The following SLC35F1 variants were observed in gnomAD, a reference collection of about 807,000 sequenced individuals.
The protein encoded by SLC35F1 is chromosome 6 open reading frame 169.
SLC35F1 carries 14 observed loss-of-function variants against 48.7 expected under a neutral mutation model. The ratio of observed to expected loss-of-function variants is 0.29; its 90% CI spans 0.19 to 0.45. The LOEUF (loss-of-function observed/expected upper bound fraction) is 0.45, where lower values mean the gene tolerates loss of function less well. Among genes scored for constraint, SLC35F1 ranks in the 20% least tolerant of loss-of-function variants. The pLI is 1.00. For missense variants in SLC35F1, 404 were observed against 500.0 expected (o/e 0.81, Z 1.83); for synonymous variants, 190 against 202.2 (o/e 0.94, Z 0.51).
intron 1 of SLC35F1, among the ~76,000 whole-genome samples, chr6:117,961,685 C>T (rs1416412): frequency 0.39 from 59,332 of 152,002 alleles, 11,832 homozygotes; most frequent in South Asian, 0.52. Flanking sequence ...TTAGTCCGTT[C>T]TGAAGTCTCA....
At chr6:118,008,335 A>G (rs1777202254) in intron 1 of SLC35F1, among the ~76,000 whole-genome samples, 1 of 152,096 alleles carries the variant, frequency 6.6e-6, no homozygotes, top group Non-Finnish European at 1.5e-5. Context: ...CCTGCCTGCA[A>G]GGGAAGAAGA....
chr6:118,038,564 T>C (rs1436671645), intron 1 of SLC35F1, among the ~76,000 whole-genome samples: 1 of 151,916 alleles, frequency 6.6e-6, no homozygotes, highest in African/African-American at 2.4e-5. Context: ...TTTAATCTGC[T>C]TTGTAGTTTT....
At chr6:117,954,708 G>A (rs1264511018) in intron 1 of SLC35F1, among the ~76,000 whole-genome samples, 1 of 152,178 alleles carries the variant, frequency 6.6e-6, no homozygotes, top group African/African-American at 2.4e-5. Context: ...ATTTGAATAT[G>A]CAGGAATCTG....
At chr6:118,056,168 C>A (rs1582641727) in intron 1 of SLC35F1, among the ~76,000 whole-genome samples, 1 of 152,238 alleles carries the variant, frequency 6.6e-6, no homozygotes, top group East Asian at 1.9e-4. Context: ...TTTCTTAAAT[C>A]TCTTATCTCT....
chr6:118,172,020 A>G (rs183262156), intron 2 of SLC35F1, among the ~76,000 whole-genome samples: 1 of 152,298 alleles, frequency 6.6e-6, no homozygotes, highest in East Asian at 1.9e-4. Flanking sequence ...AGGGCTATTA[A>G]TACTACCCAA....
At chr6:118,184,043 C>T (rs1386103442) in intron 2 of SLC35F1, among the ~76,000 whole-genome samples, 1 of 152,172 alleles carries the variant, frequency 6.6e-6, no homozygotes, top group Non-Finnish European at 1.5e-5. Context: ...TCGGCCACAG[C>T]TTGCCCTGGG....
intron 1 of SLC35F1, among the ~76,000 whole-genome samples, chr6:118,068,710 A>G (rs1325287284): frequency 1.3e-5 from 2 of 152,174 alleles, no homozygotes; most frequent in East Asian, 3.9e-4. Context: ...ACCATTGAAA[A>G]TGGTCTTTAG....
At chr6:118,100,757 A>G (rs917344969) in intron 1 of SLC35F1, among the ~76,000 whole-genome samples, 1 of 152,134 alleles carries the variant, frequency 6.6e-6, no homozygotes. Flanking sequence ...ATCATTGGCA[A>G]TGAACTCACT....
intron 1 of SLC35F1, among the ~76,000 whole-genome samples, chr6:118,145,690 C>G (rs999759332): frequency 6.6e-6 from 1 of 151,802 alleles, no homozygotes; most frequent in Admixed American, 6.6e-5. Context: ...TACAGTATAC[C>G]TTAAGATATT....
intron 1 of SLC35F1, among the ~76,000 whole-genome samples, chr6:118,061,270 AT>A (rs1157122240): frequency 6.6e-6 from 1 of 152,210 alleles, no homozygotes; most frequent in Non-Finnish European, 1.5e-5. Flanking sequence ...TAGCAATTAG[AT>A]TTAATGAAGG....
rs6907544 is a variant in SLC35F1, at chr6:117,968,244, C to G, written c.173+60345C>G. ...ATTTTAATTTGTAAAAATAATAAAC[C>G]TTGCCAGATTAACTGATTTTGTGGG... is the stretch of plus-strand genomic sequence containing the variant. On this transcript the variant is annotated intron_variant, in intron 1 of 7. Coordinates refer to ENST00000360388, the MANE Select transcript of SLC35F1 (RefSeq NM_001029858.4). Among the ~76,000 whole-genome samples the G allele has an allele frequency of 9.0e-3, 1,365 of 152,078 alleles. 10 individuals carry two copies. Among genetic ancestry groups the G allele is most frequent in the Non-Finnish European group, 0.016 (1,084 of 67,960 alleles).
intron 1 of SLC35F1, among the ~76,000 whole-genome samples, chr6:117,983,953 G>A (rs1368340155): frequency 2.6e-5 from 4 of 151,794 alleles, no homozygotes; most frequent in African/African-American, 9.7e-5. Context: ...GCCTTCCTTG[G>A]TCCTTCTTGA....
At chr6:118,110,159 C>T (rs1220932168) in intron 1 of SLC35F1, among the ~76,000 whole-genome samples, 1 of 152,106 alleles carries the variant, frequency 6.6e-6, no homozygotes, top group Non-Finnish European at 1.5e-5. Flanking sequence ...TCAGGTCTGA[C>T]GTGTAAAGGC....
At chr6:118,008,407 C>T (rs1012100952) in intron 1 of SLC35F1, among the ~76,000 whole-genome samples, 1 of 152,138 alleles carries the variant, frequency 6.6e-6, no homozygotes, top group African/African-American at 2.4e-5. Context: ...AATCTGCCTA[C>T]CATGCCCATG....
chr6:117,926,951 G>C (rs933647211), intron 1 of SLC35F1, among the ~76,000 whole-genome samples: 2 of 151,972 alleles, frequency 1.3e-5, no homozygotes, highest in African/African-American at 4.8e-5. Context: ...TTGAAACCAC[G>C]GGTTTTGATT....
At chr6:117,998,456 A>T (rs1284491606) in intron 1 of SLC35F1, among the ~76,000 whole-genome samples, 2 of 152,190 alleles carry the variant, frequency 1.3e-5, no homozygotes, top group Non-Finnish European at 2.9e-5. Flanking sequence ...CTCCACCCCA[A>T]ATCAACAGAA....
At chr6:118,050,460 A>G (rs539153102) in intron 1 of SLC35F1, among the ~76,000 whole-genome samples, 1 of 152,232 alleles carries the variant, frequency 6.6e-6, no homozygotes, top group South Asian at 2.1e-4. Context: ...AGCAGAGAGA[A>G]TGAAAGCCTA....
chr6:118,297,932 C>T (rs1026312449), intron 7 of SLC35F1, among the ~76,000 whole-genome samples: 2 of 151,698 alleles, frequency 1.3e-5, no homozygotes, highest in Non-Finnish European at 2.9e-5. Context: ...TCGTGAATGG[C>T]TTGGTGCCAT....
At chr6:118,060,736 A>T (rs1292103061) in intron 1 of SLC35F1, among the ~76,000 whole-genome samples, 1 of 152,236 alleles carries the variant, frequency 6.6e-6, no homozygotes, top group Non-Finnish European at 1.5e-5. Flanking sequence ...TGAATGGAAG[A>T]TATTTAGTAA....
Sources: allele counts gnomAD v4.1 joint callset (sites outside exome capture counted in the v4.1 genomes callset), GRCh38; gene constraint gnomAD v4.1.1; transcripts MANE v1.5; gene names NCBI Gene and HGNC (gene_info 2026-07-23, HGNC 2026-07-21).